The following DLGAP2 variants were observed in gnomAD, a reference collection of about 807,000 sequenced individuals.
DLGAP2 encodes DLG associated protein 2.
Under a neutral mutation model 100.3 loss-of-function variants are expected in DLGAP2, and 26 were observed. The observed-to-expected ratio is 0.26, with a 90% confidence interval of 0.19 to 0.36. The LOEUF (loss-of-function observed/expected upper bound fraction) is 0.36, where lower values mean the gene tolerates loss of function less well. Among genes scored for constraint, DLGAP2 ranks in the 10% least tolerant of loss-of-function variants. The pLI is 1.00. For missense variants in DLGAP2, 1,858 were observed against 1,453.2 expected (o/e 1.28, Z -4.53); for synonymous variants, 886 against 630.1 (o/e 1.41, Z -6.08).
intron 3 of DLGAP2, among the ~76,000 whole-genome samples, chr8:1,267,791 A>G (rs535379132): frequency 4.5e-4 from 68 of 151,880 alleles, no homozygotes; most frequent in African/African-American, 1.6e-3. Flanking sequence ...TTGGGGCAGA[A>G]TGTTTGTCCC....
At chr8:1,232,430 G>A (rs941157216) in intron 2 of DLGAP2, among the ~76,000 whole-genome samples, 15 of 152,180 alleles carry the variant, frequency 9.9e-5, no homozygotes, top group African/African-American at 3.6e-4. Flanking sequence ...GCACCCTCAT[G>A]GTAGTGACTA....
At chr8:1,164,889 C>T (rs1403594635) in intron 2 of DLGAP2, among the ~76,000 whole-genome samples, 1 of 152,106 alleles carries the variant, frequency 6.6e-6, no homozygotes, top group Non-Finnish European at 1.5e-5. Flanking sequence ...TCACTCTTGA[C>T]CTCGTCTCCT....
intron 3 of DLGAP2, among the ~76,000 whole-genome samples, chr8:1,292,630 A>G (rs1381764375): frequency 3.9e-5 from 6 of 152,182 alleles, no homozygotes; most frequent in African/African-American, 1.2e-4. Context: ...AAGACAACAC[A>G]TATTCTGTTA....
At chr8:1,415,975 A>T (rs190586521) in intron 3 of DLGAP2, among the ~76,000 whole-genome samples, 4 of 152,346 alleles carry the variant, frequency 2.6e-5, no homozygotes, top group Admixed American at 2.0e-4. Context: ...ATTTTTTAAC[A>T]TAAATTGGGG....
intron 14 of DLGAP2, among the ~76,000 whole-genome samples, chr8:1,699,339 A>C (rs1486821804): frequency 6.6e-6 from 1 of 151,832 alleles, no homozygotes; most frequent in East Asian, 1.9e-4. Flanking sequence ...GGCACAGTGG[A>C]TCACGCCTGT....
At chr8:1,636,147 C>G (rs1000418201) in intron 8 of DLGAP2, among the ~76,000 whole-genome samples, 2 of 152,180 alleles carry the variant, frequency 1.3e-5, no homozygotes, top group African/African-American at 4.8e-5. Flanking sequence ...AATTATTTAT[C>G]GGATTGCTTT....
intron 2 of DLGAP2, among the ~76,000 whole-genome samples, chr8:1,180,234 C>G (rs1235455201): frequency 6.6e-6 from 1 of 152,156 alleles, no homozygotes. Flanking sequence ...GTGAAGTGCC[C>G]AGATTCTAGC....
chr8:936,545 G>A (rs761002725), intron 2 of DLGAP2, among the ~76,000 whole-genome samples: 4 of 152,148 alleles, frequency 2.6e-5, no homozygotes, highest in African/African-American at 4.8e-5. Flanking sequence ...TAGAGATCTT[G>A]TGAAGGAAAC....
intron 2 of DLGAP2, among the ~76,000 whole-genome samples, chr8:964,743 A>G (rs892559778): frequency 6.6e-6 from 1 of 152,066 alleles, no homozygotes. Context: ...AAGGGTGGGC[A>G]CCGCCTCCAC....
At chr8:1,437,970 G>A (rs899014369) in intron 3 of DLGAP2, among the ~76,000 whole-genome samples, 27 of 151,826 alleles carry the variant, frequency 1.8e-4, no homozygotes, top group Non-Finnish European at 3.4e-4. Flanking sequence ...TGGGCGACAA[G>A]AGCAAAACTC....
At chr8:1,580,993 T>C (rs1023461184) in intron 6 of DLGAP2, among the ~76,000 whole-genome samples, 2 of 144,046 alleles carry the variant, frequency 1.4e-5, no homozygotes, top group Non-Finnish European at 1.5e-5. Context: ...AAGTGAAGGA[T>C]ACAGACAAAA....
intron 4 of DLGAP2, among the ~76,000 whole-genome samples, chr8:1,506,836 C>T (rs935667649): frequency 9.9e-5 from 15 of 152,180 alleles, no homozygotes; most frequent in African/African-American, 3.4e-4. Context: ...TTTCCAAGTC[C>T]CCACTAGATG....
intron 3 of DLGAP2, among the ~76,000 whole-genome samples, chr8:1,324,403 C>T (rs908849534): frequency 6.6e-6 from 1 of 152,202 alleles, no homozygotes; most frequent in African/African-American, 2.4e-5. Context: ...GATGTTTCAG[C>T]TGGCCTTTAT....
At chr8:1,147,945 T>A (rs1165460462) in intron 2 of DLGAP2, among the ~76,000 whole-genome samples, 1 of 152,252 alleles carries the variant, frequency 6.6e-6, no homozygotes, top group Non-Finnish European at 1.5e-5. Context: ...GTCTATTTTT[T>A]AAAATCCCTT....
intron 3 of DLGAP2, among the ~76,000 whole-genome samples, chr8:1,308,098 G>C (rs534245201): frequency 5.3e-5 from 8 of 152,184 alleles, no homozygotes; most frequent in African/African-American, 1.9e-4. Context: ...GTTCAGAAAA[G>C]GCCTAGGAAG....
chr8:737,641 G>T lies in DLGAP2; in HGVS notation c.-167G>T. The T allele has an allele frequency of 1.7e-5, 6 of 348,582 alleles. No individual in the cohort carries two copies. Among genetic ancestry groups the T allele is most frequent in the Non-Finnish European group, 3.1e-5 (6 of 194,048 alleles). The allele number at this position is 348,582 out of a possible 1,614,324, so 21.6% of individuals were successfully genotyped here. On this transcript the variant is annotated 5_prime_UTR_variant, in exon 1 of 15. Coordinates refer to ENST00000637795, the MANE Select transcript of DLGAP2 (RefSeq NM_001346810.2). ...CGCCGGCCGTGAAGACCGACCGTGC[G>T]CCGGGCTCGAGCGCGGTCTGAGCGC...
At chr8:1,166,438 G>A (rs912173446) in intron 2 of DLGAP2, among the ~76,000 whole-genome samples, 7 of 152,162 alleles carry the variant, frequency 4.6e-5, no homozygotes, top group South Asian at 2.1e-4. Flanking sequence ...CCCTCTGTTC[G>A]TCTCCAGGAA....
chr8:904,451 T>C (rs905219496), intron 1 of DLGAP2, among the ~76,000 whole-genome samples: 45 of 152,028 alleles, frequency 3.0e-4, no homozygotes, highest in African/African-American at 1.0e-3. Flanking sequence ...ACCCAGGAGG[T>C]GGAGGTTGCA....
intron 2 of DLGAP2, among the ~76,000 whole-genome samples, chr8:1,041,720 T>A (rs1487734707): frequency 9.0e-6 from 1 of 111,388 alleles, no homozygotes. Context: ...GGGTGAGTGT[T>A]CTCCGAGCCC....
Sources: gnomAD v4.1 joint callset for allele counts (sites outside exome capture counted in the v4.1 genomes callset) on GRCh38, gnomAD v4.1.1 for gene constraint, MANE v1.5 for transcripts, NCBI Gene and HGNC (gene_info 2026-07-23, HGNC 2026-07-21) for gene names.